The following RNLS variants were observed in gnomAD, a reference collection of about 807,000 sequenced individuals.
The protein encoded by RNLS is renalase, FAD dependent amine oxidase.
In RNLS, 39 loss-of-function variants were observed where a neutral mutation model predicts 39.8. That is an observed-to-expected ratio of 0.98 (90% confidence interval 0.76 to 1.28). RNLS has a LOEUF of 1.28. Among genes scored for constraint, RNLS ranks in the 50% most tolerant of loss-of-function variants. The pLI is 0.00. For synonymous variants in RNLS, 147 were observed against 150.7 expected (o/e 0.98, Z 0.18); for missense variants, 410 against 413.3 (o/e 0.99, Z 0.07).
chr10:88,220,317 G>C, the RNLS span, among the ~76,000 whole-genome samples: 1 of 152,134 alleles, frequency 6.6e-6, no homozygotes, highest in Non-Finnish European at 1.5e-5. Context: ...TTAGGATTTT[G>C]GGGTGGGCAG....
At chr10:88,380,702 G>GAA (rs1466103960) in intron 4 of RNLS, among the ~76,000 whole-genome samples, 1 of 151,964 alleles carries the variant, frequency 6.6e-6, no homozygotes, top group Non-Finnish European at 1.5e-5. Flanking sequence ...GTCTTTTTTA[G>GAA]AAAAAGGCTT....
intron 4 of RNLS, among the ~76,000 whole-genome samples, chr10:88,437,453 T>C (rs1589791051): frequency 6.6e-6 from 1 of 152,214 alleles, no homozygotes; most frequent in African/African-American, 2.4e-5. Context: ...ATTACAATCA[T>C]TGTATCCAAG....
At chr10:88,419,604 T>A (rs570860329) in intron 4 of RNLS, among the ~76,000 whole-genome samples, 10 of 152,346 alleles carry the variant, frequency 6.6e-5, no homozygotes, top group South Asian at 6.2e-4. Context: ...AAAAAACTAT[T>A]AAACTATTCA....
At chr10:88,324,996 A>G (rs1384858725) in intron 5 of RNLS, among the ~76,000 whole-genome samples, 1 of 152,134 alleles carries the variant, frequency 6.6e-6, no homozygotes, top group Admixed American at 6.5e-5. Flanking sequence ...CTTAAGGCCA[A>G]ATGATATTCC....
At chr10:88,275,137 T>G in intron 6 of RNLS, 1 of 884,986 alleles carries the variant, frequency 1.1e-6, no homozygotes, top group Non-Finnish European at 1.8e-6. Context: ...GGAACATATA[T>G]AGACCTGGAA....
the RNLS span, among the ~76,000 whole-genome samples, chr10:88,179,243 A>T: frequency 1.3e-5 from 2 of 152,188 alleles, no homozygotes; most frequent in African/African-American, 4.8e-5. Context: ...CTTCACTGAG[A>T]AGTTATTACT....
chr10:88,225,588 T>C, the RNLS span, among the ~76,000 whole-genome samples: 1 of 151,978 alleles, frequency 6.6e-6, no homozygotes, highest in African/African-American at 2.4e-5. Context: ...GTGGCAGGCA[T>C]CTGTACTCCC....
chr10:88,504,025 G>A (rs1845646531), intron 4 of RNLS, among the ~76,000 whole-genome samples: 1 of 152,112 alleles, frequency 6.6e-6, no homozygotes, highest in African/African-American at 2.4e-5. Context: ...GTAGCCTATG[G>A]AGAAGTCTAA....
At chr10:88,372,566 C>T (rs1184888111) in intron 4 of RNLS, among the ~76,000 whole-genome samples, 1 of 152,078 alleles carries the variant, frequency 6.6e-6, no homozygotes, top group African/African-American at 2.4e-5. Context: ...ACGTTCTAAG[C>T]ATGGGATTAG....
chr10:88,405,835 T>C (rs1226239407), intron 4 of RNLS, among the ~76,000 whole-genome samples: 1 of 152,134 alleles, frequency 6.6e-6, no homozygotes, highest in Non-Finnish European at 1.5e-5. Flanking sequence ...ATTTATACTT[T>C]AAAGAGGTTC....
intron 4 of RNLS, among the ~76,000 whole-genome samples, chr10:88,507,195 C>T (rs74147212): frequency 6.6e-6 from 1 of 152,136 alleles, no homozygotes; most frequent in African/African-American, 2.4e-5. Flanking sequence ...AGTCCAAGAG[C>T]TATGAGAGAT....
chr10:88,224,011 T>G, the RNLS span, among the ~76,000 whole-genome samples: 1 of 148,400 alleles, frequency 6.7e-6, no homozygotes, highest in Non-Finnish European at 1.5e-5. Context: ...TTAGCAATAT[T>G]GGACCATGCC....
At chr10:88,232,112 A>C in the RNLS span, among the ~76,000 whole-genome samples, 1 of 152,196 alleles carries the variant, frequency 6.6e-6, no homozygotes, top group South Asian at 2.1e-4. Flanking sequence ...TCCTTCTTTT[A>C]ATCATCCAGG....
At chr10:88,536,210 G>C (rs1847749000) in intron 4 of RNLS, among the ~76,000 whole-genome samples, 1 of 152,126 alleles carries the variant, frequency 6.6e-6, no homozygotes. Context: ...TGTTTGGAAA[G>C]GTATTAGCAT....
intron 4 of RNLS, among the ~76,000 whole-genome samples, chr10:88,542,387 C>T (rs557092157): frequency 4.6e-5 from 7 of 152,208 alleles, no homozygotes; most frequent in Admixed American, 3.9e-4. Flanking sequence ...AAAAAATATA[C>T]CCTTGTTTGT....
intron 5 of RNLS, among the ~76,000 whole-genome samples, chr10:88,350,499 G>A (rs1452873961): frequency 1.3e-5 from 2 of 152,024 alleles, no homozygotes. Context: ...TTTTGTCCTT[G>A]CGATAGTTTG....
At chr10:88,411,279 C>A (rs1186414415) in intron 4 of RNLS, among the ~76,000 whole-genome samples, 1 of 152,052 alleles carries the variant, frequency 6.6e-6, no homozygotes, top group Non-Finnish European at 1.5e-5. Context: ...TTCAGAATTG[C>A]AATTGATTAT....
At chr10:88,331,139 G>C (rs943648688) in intron 5 of RNLS, among the ~76,000 whole-genome samples, 3 of 152,084 alleles carry the variant, frequency 2.0e-5, no homozygotes, top group Admixed American at 6.6e-5. Context: ...TACCTTCTTA[G>C]GTATACAGCA....
At chr10:88,375,119 C>G (rs1236261020) in intron 4 of RNLS, among the ~76,000 whole-genome samples, 1 of 152,078 alleles carries the variant, frequency 6.6e-6, no homozygotes, top group Admixed American at 6.6e-5. Flanking sequence ...CTCTTCTTAG[C>G]TCACCAAATT....
Sources: gnomAD v4.1 joint callset for allele counts (sites outside exome capture counted in the v4.1 genomes callset) on GRCh38, gnomAD v4.1.1 for gene constraint, MANE v1.5 for transcripts, NCBI Gene and HGNC (gene_info 2026-07-23, HGNC 2026-07-21) for gene names.